Variants in TMEM245 observed in about 807,000 individuals in gnomAD.
TMEM245 encodes the protein protein CG-2.
A neutral mutation model predicts 101.2 loss-of-function variants in TMEM245; 69 were observed. The ratio of observed to expected loss-of-function variants is 0.68; its 90% CI spans 0.56 to 0.83. The LOEUF is 0.83. TMEM245 is among the 40% of genes least tolerant of loss of function. The pLI is 0.00. For missense variants in TMEM245, 1,075 were observed against 1,092.8 expected (o/e 0.98, Z 0.23); for synonymous variants, 537 against 449.8 (o/e 1.19, Z -2.45).
At chr9:109,058,654 C>A (rs1828920117) in intron 11 of TMEM245, among the ~76,000 whole-genome samples, 1 of 152,130 alleles carries the variant, frequency 6.6e-6, no homozygotes, top group African/African-American at 2.4e-5. Context: ...TGTCACCAGG[C>A]TGCACTGGAG....
chr9:109,047,290 T>C (rs1828527918), intron 14 of TMEM245, among the ~76,000 whole-genome samples: 1 of 152,234 alleles, frequency 6.6e-6, no homozygotes, highest in Non-Finnish European at 1.5e-5. Flanking sequence ...AATTAGTGTA[T>C]GCACTCCCAA....
chr9:109,061,339 G>T (rs1829006263), intron 10 of TMEM245, among the ~76,000 whole-genome samples: 1 of 151,836 alleles, frequency 6.6e-6, no homozygotes, highest in African/African-American at 2.4e-5. Context: ...AAAACCCAAA[G>T]AATTTCTAGA....
chr9:109,087,670 G>A (rs967029272), intron 5 of TMEM245, among the ~76,000 whole-genome samples: 2 of 152,130 alleles, frequency 1.3e-5, no homozygotes, highest in African/African-American at 4.8e-5. Flanking sequence ...CTGGCCCCTT[G>A]CATATTCCCC....
chr9:109,038,884 G>C (rs1828219401), intron 14 of TMEM245: 1 of 152,196 alleles, frequency 6.6e-6, no homozygotes, highest in Admixed American at 6.5e-5. Flanking sequence ...CTATAAGGAG[G>C]GGAAATAAGG....
intron 6 of TMEM245, among the ~76,000 whole-genome samples, chr9:109,086,575 C>G (rs1010273637): frequency 6.6e-6 from 1 of 152,200 alleles, no homozygotes; most frequent in Admixed American, 6.5e-5. Flanking sequence ...TCATTTAACC[C>G]TTACCACCAT....
At chr9:109,048,685 G>A (rs1260304406) in intron 14 of TMEM245, among the ~76,000 whole-genome samples, 1 of 152,178 alleles carries the variant, frequency 6.6e-6, no homozygotes, top group Admixed American at 6.5e-5. Flanking sequence ...AGGAGGGGCT[G>A]AGACAGGCCT....
intron 1 of TMEM245, among the ~76,000 whole-genome samples, chr9:109,112,921 C>A (rs891865392): frequency 6.6e-6 from 1 of 151,986 alleles, no homozygotes; most frequent in African/African-American, 2.4e-5. Flanking sequence ...ACTAAAAATA[C>A]AAAAATTAGC....
chr9:109,041,919 C>G (rs1190017086), intron 14 of TMEM245, among the ~76,000 whole-genome samples: 1 of 151,976 alleles, frequency 6.6e-6, no homozygotes. Context: ...TCGCTACAGC[C>G]CAGGAGTTCA....
chr9:109,075,642 T>C (rs1277696985), intron 8 of TMEM245, among the ~76,000 whole-genome samples: 1 of 152,228 alleles, frequency 6.6e-6, no homozygotes, highest in East Asian at 1.9e-4. Context: ...GGCATAAAGT[T>C]GTTCACAATA....
chr9:109,102,714 T>C (rs1365460564), intron 3 of TMEM245, among the ~76,000 whole-genome samples: 2 of 152,252 alleles, frequency 1.3e-5, no homozygotes, highest in Non-Finnish European at 2.9e-5. Context: ...AGTTTCTTCC[T>C]TTTGTTTCTC....
At chr9:109,077,350 T>C (rs910343105) in intron 8 of TMEM245, among the ~76,000 whole-genome samples, 20 of 152,112 alleles carry the variant, frequency 1.3e-4, no homozygotes, top group African/African-American at 4.6e-4. Context: ...TGGGGTTTTG[T>C]CATGTTGCCT....
At chr9:109,069,095 T>C (rs898947739) in intron 9 of TMEM245, among the ~76,000 whole-genome samples, 4 of 152,238 alleles carry the variant, frequency 2.6e-5, no homozygotes, top group Admixed American at 1.3e-4. Context: ...GGGTCTTCCC[T>C]GTATATGTCT....
intron 2 of TMEM245, among the ~76,000 whole-genome samples, chr9:109,107,801 C>T (rs138460595): frequency 6.2e-4 from 95 of 152,276 alleles, no homozygotes; most frequent in Admixed American, 5.0e-3. Flanking sequence ...ATAAGTACCA[C>T]GCTGAAAAAT....
At chr9:109,046,748 GACATT>G (rs936724131) in intron 14 of TMEM245, among the ~76,000 whole-genome samples, 2 of 152,128 alleles carry the variant, frequency 1.3e-5, no homozygotes, top group Non-Finnish European at 2.9e-5. Flanking sequence ...GCACTTTGAG[GACATT>G]ACAATATTTT....
intron 3 of TMEM245, among the ~76,000 whole-genome samples, chr9:109,097,198 G>A (rs779287020): frequency 3.3e-5 from 5 of 152,222 alleles, no homozygotes; most frequent in Non-Finnish European, 5.9e-5. Flanking sequence ...CTATCTTGGA[G>A]AGGAAGCTCC....
intron 8 of TMEM245, among the ~76,000 whole-genome samples, chr9:109,077,638 T>A (rs780089540): frequency 3.5e-4 from 54 of 152,372 alleles, no homozygotes; most frequent in Admixed American, 9.1e-4. Flanking sequence ...TGTTATCTTA[T>A]GTCAATATTA....
rs1470125557 is a variant in TMEM245, at chr9:109,108,563, G to T, written c.587C>A (p.Thr196Lys). The change falls in exon 2 of 18, where the codon ACG (threonine) becomes AAG (lysine). Residue 196 changes from threonine (T) to lysine (K), a missense_variant. This residue lies in a region of TMEM245 where 808 missense variants were observed against 741.5 expected (regional missense o/e 1.09). Transcript: ENST00000374586. ...AGTCAACACATAGCCAACCACCAAC[G>T]TCCAGATCTTAAATAAATGAAAGAC... ...LDYFSSLWIWTLVVGYVLTVS... is the reference protein window; with the variant it reads ...LDYFSSLWIWKLVVGYVLTVS... The T allele has an allele frequency of 6.3e-7, 1 of 1,591,306 alleles. No homozygotes were observed.
chr9:109,108,819 A>T (rs2132650078), intron 1 of TMEM245, among the ~76,000 whole-genome samples: 1 of 152,332 alleles, frequency 6.6e-6, no homozygotes, highest in South Asian at 2.1e-4. Context: ...ACATAGTTCA[A>T]AACCCATCTT....
rs542131859 is a variant in TMEM245 at position 109,020,115 on chromosome 9, T to C, written c.*345A>G. The C allele has an allele frequency of 6.1e-6, 1 of 164,746 alleles. No homozygotes were observed. The highest frequency in any genetic ancestry group is 6.3e-5 in the Admixed American group (1 of 15,776). The allele number at this position is 164,746 out of a possible 1,614,324, so 10.2% of individuals were successfully genotyped here. A position where few individuals can be genotyped will look rare whatever the true frequency, so the allele number is the denominator to read the frequency against. On this transcript the variant is annotated 3_prime_UTR_variant, in exon 18 of 18. Coordinates refer to ENST00000374586, the MANE Select transcript of TMEM245 (RefSeq NM_032012.4). ...CTTTTAACAGCAGGTAGTTTAGAGT[T>C]CTTAAAATAACTTTATAAATATATA...
Sources: allele counts gnomAD v4.1 joint callset (sites outside exome capture counted in the v4.1 genomes callset), GRCh38; gene constraint gnomAD v4.1.1; regional missense constraint gnomAD v4.1.1; transcripts MANE v1.5; gene names NCBI Gene and HGNC (gene_info 2026-07-23, HGNC 2026-07-21).